Variants in KANTR observed in about 807,000 individuals in gnomAD.
The protein encoded by KANTR is KANTR integral membrane protein.
intron 2 of KANTR, among the ~76,000 whole-genome samples, chrX:53,118,371 T>C (rs371018531): frequency 1.1e-4 from 12 of 111,926 alleles, no homozygotes; most frequent in African/African-American, 3.9e-4. Flanking sequence ...TGGGGACATA[T>C]TAGCATTTTC....
chrX:53,145,748 C>T (rs1556819245), downstream of KANTR, among the ~76,000 whole-genome samples: 1 of 112,286 alleles, frequency 8.9e-6, no homozygotes, highest in Admixed American at 9.4e-5. Flanking sequence ...GAGGCACCCC[C>T]CAGTAGGGGC....
chrX:53,136,350 T>G (rs1431385499), intron 2 of KANTR, among the ~76,000 whole-genome samples: 2 of 109,129 alleles, frequency 1.8e-5, no homozygotes, highest in Non-Finnish European at 3.8e-5. Context: ...GCGGTTCTCC[T>G]GCCTCAGCCT....
chrX:53,146,839 A>G (rs1933583686), downstream of KANTR, among the ~76,000 whole-genome samples: 1 of 111,995 alleles, frequency 8.9e-6, no homozygotes, highest in Admixed American at 9.5e-5. Flanking sequence ...AAGAATTTTC[A>G]ACCCAGAATT....
At chrX:53,145,499 C>T (rs962725101), downstream of KANTR, among the ~76,000 whole-genome samples, 6 of 111,773 alleles carry the variant, frequency 5.4e-5, no homozygotes, top group African/African-American at 1.3e-4. Context: ...TAAAGCGGCC[C>T]GGAAGCTCGA....
At chrX:53,100,953 G>C (rs1556811751) in intron 2 of KANTR, among the ~76,000 whole-genome samples, 1 of 111,987 alleles carries the variant, frequency 8.9e-6, no homozygotes, top group South Asian at 3.7e-4. Flanking sequence ...CTCATGAACC[G>C]ACTTTTGCTA....
intron 2 of KANTR, among the ~76,000 whole-genome samples, chrX:53,119,874 T>C (rs1393950338): frequency 5.5e-5 from 6 of 108,112 alleles, no homozygotes; most frequent in African/African-American, 2.0e-4. Flanking sequence ...CATGCCATAA[T>C]GCCCAGCTAA....
At chrX:53,114,860 G>A (rs1362918315) in intron 2 of KANTR, among the ~76,000 whole-genome samples, 1 of 110,528 alleles carries the variant, frequency 9.0e-6, no homozygotes, top group Admixed American at 9.5e-5. Context: ...AGTTGGTTTG[G>A]CACCAAAGCT....
At position 53,133,078 on chromosome X, in the gene KANTR, G is replaced by A. The variant is rs139040507; in HGVS notation, n.204-8770G>A. Among the ~76,000 whole-genome samples the A allele has an allele frequency of 3.6e-5, 4 of 110,575 alleles. No homozygotes were observed. The East Asian group carries it at 8.6e-4, about 24-fold the overall frequency. ...CAGGGAATACATAAAACAAGAAAGC[G>A]GTGGAATTGCCAGTCACGGTGGCTC... is the stretch of plus-strand genomic sequence containing the variant. On this transcript the variant is annotated intron_variant and non_coding_transcript_variant, in intron 2 of 2. Transcript: ENST00000366185.
At chrX:53,117,269 A>G (rs782443740) in intron 2 of KANTR, among the ~76,000 whole-genome samples, 2 of 111,817 alleles carry the variant, frequency 1.8e-5, no homozygotes, top group Non-Finnish European at 3.8e-5. Flanking sequence ...ACAGAGCGAG[A>G]TTCCATCTCA....
chrX:53,144,931 G>A (rs1482228426), downstream of KANTR, among the ~76,000 whole-genome samples: 1 of 111,577 alleles, frequency 9.0e-6, no homozygotes, highest in Non-Finnish European at 1.9e-5. Context: ...GTCGTTCTGT[G>A]TCTCAAGTAC....
At chrX:53,135,288 C>T (rs942466205) in intron 2 of KANTR, among the ~76,000 whole-genome samples, 2 of 111,920 alleles carry the variant, frequency 1.8e-5, no homozygotes, top group African/African-American at 6.5e-5. Flanking sequence ...AAAATGTGTG[C>T]TTGATTTAAC....
chrX:53,124,019 C>A, exon 3 of KANTR: 1 of 196,617 alleles, frequency 5.1e-6, no homozygotes, highest in Non-Finnish European at 9.2e-6. Context: ...TATCTCTTCA[C>A]CTGCCTGTAA....
chrX:53,134,353 ACT>A (rs1480762689), intron 2 of KANTR, among the ~76,000 whole-genome samples: 1 of 109,893 alleles, frequency 9.1e-6, no homozygotes, highest in Non-Finnish European at 1.9e-5. Flanking sequence ...CAAAAGTGAA[ACT>A]CTGTCTCAAA....
downstream of KANTR, chrX:53,143,076 G>T (rs1933525944): frequency 7.5e-6 from 9 of 1,202,716 alleles, no homozygotes; most frequent in Non-Finnish European, 9.0e-6. Context: ...ACTTCATGAT[G>T]GAGTTGAAGG....
At chrX:53,145,886 CAG>C (rs1933569713), downstream of KANTR, among the ~76,000 whole-genome samples, 1 of 112,302 alleles carries the variant, frequency 8.9e-6, no homozygotes, top group African/African-American at 3.2e-5. Flanking sequence ...CCCAGGCAAA[CAG>C]GGTCTGGAGT....
chrX:53,095,245 C>T (rs1204774326), intron 1 of KANTR, among the ~76,000 whole-genome samples: 2 of 111,796 alleles, frequency 1.8e-5, no homozygotes, highest in Non-Finnish European at 3.8e-5. Context: ...CACAGGAAGC[C>T]CACAGATCTC....
chrX:53,096,043 GC>G (rs1932842933), intron 1 of KANTR, among the ~76,000 whole-genome samples: 1 of 110,812 alleles, frequency 9.0e-6, no homozygotes, highest in South Asian at 3.8e-4. Context: ...CAAGGCTCAG[GC>G]CCTTGCTTCC....
chrX:53,133,762 T>C (rs1556817302), intron 2 of KANTR, among the ~76,000 whole-genome samples: 1 of 111,360 alleles, frequency 9.0e-6, no homozygotes, highest in African/African-American at 3.3e-5. Flanking sequence ...AACCAGACCA[T>C]ATGGTAACTA....
At chrX:53,126,555 A>G (rs894196611) in exon 3 of KANTR, 6 of 111,801 alleles carry the variant, frequency 5.4e-5, no homozygotes, top group Admixed American at 9.5e-5. Context: ...TTTACTTGCT[A>G]ATCTGCCTAG....
Sources: allele counts gnomAD v4.1 joint callset (sites outside exome capture counted in the v4.1 genomes callset), GRCh38; gene constraint gnomAD v4.1.1; transcripts MANE v1.5; gene names NCBI Gene and HGNC (gene_info 2026-07-23, HGNC 2026-07-21).